HIBCH: variants seen among roughly 807,000 people sequenced by gnomAD.
The protein encoded by HIBCH is 3-hydroxyisobutyryl-CoA hydrolase, mitochondrial.
A neutral mutation model predicts 58.2 loss-of-function variants in HIBCH; 50 were observed. That is an observed-to-expected ratio of 0.86 (90% CI 0.68 to 1.09). The LOEUF is 1.09. HIBCH is among the 50% of genes least tolerant of loss of function. The probability of loss-of-function intolerance (pLI) is 0.00; values close to 1 mark genes in which losing one functional copy is unlikely to be tolerated. For synonymous variants in HIBCH, 151 were observed against 146.9 expected, an observed-to-expected ratio of 1.03 and a Z score of -0.20; for missense variants, 450 against 449.7, an observed-to-expected ratio of 1.00 and a Z score of -0.01.
chr2:190,194,156 A>G (rs1689852588), intron 1 of HIBCH, among the ~76,000 whole-genome samples: 1 of 152,180 alleles, frequency 6.6e-6, no homozygotes, highest in Admixed American at 6.5e-5. Flanking sequence ...AAATCTGCTG[A>G]GACTACCAAT....
intron 7 of HIBCH, among the ~76,000 whole-genome samples, chr2:190,257,105 T>C (rs1449895065): frequency 6.6e-6 from 1 of 152,082 alleles, no homozygotes; most frequent in African/African-American, 2.4e-5. Context: ...CCACAAGCAT[T>C]AGAAATATGA....
chr2:190,235,058 T>G (rs1035871025), intron 11 of HIBCH, among the ~76,000 whole-genome samples: 2 of 152,074 alleles, frequency 1.3e-5, no homozygotes, highest in Admixed American at 1.3e-4. Flanking sequence ...GGGGATGAAC[T>G]AGAAATGAAA....
chr2:190,246,100 A>G (rs1231513482), intron 10 of HIBCH, 54 bp downstream of exon 10: 3 of 1,034,714 alleles, frequency 2.9e-6, no homozygotes, highest in African/African-American at 3.2e-5. Flanking sequence ...TAGCAAATTC[A>G]TTTTAACATA....
chr2:190,220,894 G>C (rs755618325), intron 11 of HIBCH, among the ~76,000 whole-genome samples: 5 of 152,100 alleles, frequency 3.3e-5, no homozygotes, highest in Non-Finnish European at 7.4e-5. Context: ...AGTGCTGCCA[G>C]GTGCAAGCAC....
At chr2:190,291,019 AAAT>A (rs1212265973) in intron 4 of HIBCH, among the ~76,000 whole-genome samples, 2 of 152,200 alleles carry the variant, frequency 1.3e-5, no homozygotes, top group Non-Finnish European at 2.9e-5. Flanking sequence ...TCCTTAAAAA[AAAT>A]AATAATATAT....
intron 6 of HIBCH, among the ~76,000 whole-genome samples, chr2:190,280,621 G>A (rs1367563044): frequency 3.0e-5 from 4 of 132,634 alleles, no homozygotes; most frequent in Non-Finnish European, 6.5e-5. Context: ...CTCTAAAAAT[G>A]TTCAACTTAG....
At chr2:190,268,571 A>T (rs1687305216) in intron 6 of HIBCH, among the ~76,000 whole-genome samples, 1 of 152,210 alleles carries the variant, frequency 6.6e-6, no homozygotes. Flanking sequence ...GACTGTTCCA[A>T]TAGGAGAAGA....
At chr2:190,298,336 C>T (rs1258340611) in intron 2 of HIBCH, among the ~76,000 whole-genome samples, 2 of 152,164 alleles carry the variant, frequency 1.3e-5, no homozygotes, top group Admixed American at 1.3e-4. Context: ...GCCACAGTGT[C>T]TTCCACAATG....
chr2:190,303,021 T>G (rs113761125), intron 2 of HIBCH, among the ~76,000 whole-genome samples: 1 of 152,204 alleles, frequency 6.6e-6, no homozygotes, highest in Admixed American at 6.5e-5. Flanking sequence ...TAATGGAGCC[T>G]GGCTCTCACT....
At chr2:190,244,818 C>G (rs1043027765) in intron 11 of HIBCH, 69 bp downstream of exon 11, 4 of 984,660 alleles carry the variant, frequency 4.1e-6, no homozygotes, top group Non-Finnish European at 3.3e-6. Context: ...ACTAATACCC[C>G]CTTAGAGAGG....
chr2:190,310,598 A>C (rs1227107158), intron 2 of HIBCH, among the ~76,000 whole-genome samples, 156 bp downstream of exon 2: 2 of 152,210 alleles, frequency 1.3e-5, no homozygotes, highest in African/African-American at 4.8e-5. Flanking sequence ...GCCACCTCCT[A>C]CAAGGTGCGT....
At chr2:190,294,039 T>TATATATAC (rs1559057211) in intron 4 of HIBCH, among the ~76,000 whole-genome samples, 2 of 146,644 alleles carry the variant, frequency 1.4e-5, no homozygotes, top group Non-Finnish European at 3.0e-5. Context: ...TATATATATA[T>TATATATAC]ATATATATAT....
At chr2:190,192,558 G>T (rs1484669616) in intron 1 of HIBCH, among the ~76,000 whole-genome samples, 1 of 151,450 alleles carries the variant, frequency 6.6e-6, no homozygotes, top group African/African-American at 2.4e-5. Flanking sequence ...GAATCCATTT[G>T]TCAATGTCTA....
chr2:190,294,777 G>A (rs1688061517), intron 3 of HIBCH, 147 bp from the exon 4 acceptor site: 1 of 669,686 alleles, frequency 1.5e-6, no homozygotes, highest in Non-Finnish European at 2.7e-6. Context: ...ATATCCAGAA[G>A]AACGAATCTC....
chr2:190,294,022 G>GTGTATATATA (rs755751586), intron 4 of HIBCH, among the ~76,000 whole-genome samples: 2,332 of 82,540 alleles, frequency 0.028, 34 homozygotes, highest in African/African-American at 0.036. Flanking sequence ...TATTTTGTGT[G>GTGTATATATA]TATATATATA....
rs578105593 is a variant in HIBCH, at chr2:190,291,664, T to C, written c.305-1179A>G. 5.9e-5 allele frequency among the ~76,000 whole-genome samples: 9 copies of C among 152,368 alleles called. No individual in the cohort carries two copies. In the East Asian group the frequency reaches 1.5e-3, roughly 26 times the overall value. On this transcript the variant is annotated intron_variant, in intron 4 of 13. Coordinates refer to ENST00000359678, the MANE Select transcript of HIBCH (RefSeq NM_014362.4). Reference sequence around the variant, plus strand: ...GACATTGCTACAGCATACCACTGCCTGGCTTAAAAAACAAATGCTCAGTAA... The same window carrying C: ...GACATTGCTACAGCATACCACTGCCCGGCTTAAAAAACAAATGCTCAGTAA...
chr2:190,291,591 T>C (rs922409485), intron 4 of HIBCH, among the ~76,000 whole-genome samples: 2 of 152,182 alleles, frequency 1.3e-5, no homozygotes, highest in East Asian at 1.9e-4. Flanking sequence ...GTAAATAATA[T>C]ACTGACATTC....
chr2:190,231,351 A>C (rs1438467637), intron 11 of HIBCH, among the ~76,000 whole-genome samples: 11 of 152,246 alleles, frequency 7.2e-5, no homozygotes, highest in Admixed American at 6.5e-4. Flanking sequence ...AAAAAGATAA[A>C]TCAGACTTCC....
intron 6 of HIBCH, among the ~76,000 whole-genome samples, chr2:190,275,315 T>C (rs1333383072): frequency 6.6e-6 from 1 of 152,222 alleles, no homozygotes; most frequent in Non-Finnish European, 1.5e-5. Context: ...TTAAGGATTG[T>C]CCTCTGTTCT....
Sources: gnomAD v4.1 joint callset for allele counts (sites outside exome capture counted in the v4.1 genomes callset) on GRCh38, gnomAD v4.1.1 for gene constraint, MANE v1.5 for transcripts, NCBI Gene and HGNC (gene_info 2026-07-23, HGNC 2026-07-21) for gene names.